The following WWOX variants were observed in gnomAD, a reference collection of about 807,000 sequenced individuals.
The protein encoded by WWOX is WW domain-containing oxidoreductase.
In WWOX, 69 loss-of-function variants were observed where a neutral mutation model predicts 46.2. The observed-to-expected ratio is 1.49, with a 90% CI of 1.23 to 1.82. The LOEUF (loss-of-function observed/expected upper bound fraction) is 1.82. WWOX is among the 40% of genes most tolerant of loss of function. The probability of loss-of-function intolerance (pLI) is 0.00; values close to 1 mark genes in which losing one functional copy is unlikely to be tolerated. For missense variants in WWOX, 919 were observed against 542.6 expected (o/e 1.69, Z -6.89); for synonymous variants, 359 against 202.6 (o/e 1.77, Z -6.56).
chr16:79,161,726 C>T (rs555068043), intron 8 of WWOX, among the ~76,000 whole-genome samples: 1 of 152,246 alleles, frequency 6.6e-6, no homozygotes, highest in African/African-American at 2.4e-5. Flanking sequence ...ACCATGTTGG[C>T]CAGGCTGGTC....
At chr16:78,644,846 G>C (rs542743949) in intron 8 of WWOX, among the ~76,000 whole-genome samples, 24 of 152,324 alleles carry the variant, frequency 1.6e-4, no homozygotes, top group African/African-American at 5.3e-4. Context: ...GGTACAGCAG[G>C]AGAGCATGTA....
At chr16:79,128,855 T>G (rs1182815010) in intron 8 of WWOX, among the ~76,000 whole-genome samples, 1 of 152,118 alleles carries the variant, frequency 6.6e-6, no homozygotes, top group African/African-American at 2.4e-5. Flanking sequence ...GTATGAAGGT[T>G]GTGATTCAGT....
At chr16:78,707,531 C>A (rs971883200) in intron 8 of WWOX, among the ~76,000 whole-genome samples, 2 of 152,154 alleles carry the variant, frequency 1.3e-5, no homozygotes, top group Non-Finnish European at 2.9e-5. Context: ...CTCTCTCTTG[C>A]CATATCAGGA....
At chr16:78,745,419 G>A (rs2049325489) in intron 8 of WWOX, among the ~76,000 whole-genome samples, 1 of 151,682 alleles carries the variant, frequency 6.6e-6, no homozygotes, top group South Asian at 2.1e-4. Context: ...CCTGTGTCAT[G>A]CCTGTTATTC....
chr16:79,202,870 C>T (rs899839053), intron 8 of WWOX: 121 of 152,104 alleles, frequency 8.0e-4, no homozygotes, highest in African/African-American at 2.9e-3. Context: ...TCCTAAAATA[C>T]AGTAGATGAG....
intron 8 of WWOX, among the ~76,000 whole-genome samples, chr16:79,003,699 C>T (rs1040922033): frequency 3.9e-5 from 6 of 152,138 alleles, no homozygotes; most frequent in Non-Finnish European, 5.9e-5. Context: ...TGCTCCAGCA[C>T]CGTGGTCTCA....
At chr16:78,569,595 G>T (rs1029719983) in intron 8 of WWOX, among the ~76,000 whole-genome samples, 4 of 152,106 alleles carry the variant, frequency 2.6e-5, no homozygotes, top group African/African-American at 9.7e-5. Context: ...TTGCCTTGTT[G>T]AAAAAGAATC....
At chr16:78,151,300 G>T (rs1031715903) in intron 4 of WWOX, among the ~76,000 whole-genome samples, 5 of 152,148 alleles carry the variant, frequency 3.3e-5, no homozygotes, top group African/African-American at 1.2e-4. Flanking sequence ...TGGGGGGCCT[G>T]ATGGTGGGGT....
chr16:78,175,724 C>G (rs1004925627), intron 5 of WWOX, among the ~76,000 whole-genome samples: 2 of 152,210 alleles, frequency 1.3e-5, no homozygotes, highest in South Asian at 4.1e-4. Context: ...TAAGCCACTT[C>G]TGAATCCTTG....
At chr16:78,557,468 G>C (rs2044326844) in intron 8 of WWOX, among the ~76,000 whole-genome samples, 1 of 152,082 alleles carries the variant, frequency 6.6e-6, no homozygotes, top group Non-Finnish European at 1.5e-5. Context: ...AAAACAAGCA[G>C]GAAAACCCCA....
In WWOX at chr16:79,099,254, C is replaced by G. The variant is rs192474185; in HGVS notation, c.1057-112354C>G. On this transcript the variant is annotated intron_variant, in intron 8 of 8. Transcript: ENST00000566780. ...GGCTCCATCTCCTGACATCTTCACA[C>G]AAGAGATCAAATGTCAACATGAGAT... is the stretch of plus-strand genomic sequence containing the variant. Among the ~76,000 whole-genome samples, 5 of 152,308 alleles carry G rather than the reference C, an allele frequency of 3.3e-5. No individual in the cohort carries two copies. In the East Asian group the frequency reaches 5.8e-4, roughly 18 times the overall value.
At chr16:78,471,361 C>A (rs989073556) in intron 8 of WWOX, among the ~76,000 whole-genome samples, 5 of 152,212 alleles carry the variant, frequency 3.3e-5, no homozygotes, top group African/African-American at 1.2e-4. Flanking sequence ...AGGCATCTCT[C>A]ACCTCATTTG....
Position 78,945,249 on chromosome 16 carries a change from A to G in WWOX, c.1057-266359A>G, listed in dbSNP as rs1394499715. ...GTAGAACAAATGAAAACCAAATAAC[A>G]GTGGCACCAGTTCTTCTTTCAGTTT... is the stretch of plus-strand genomic sequence containing the variant. On this transcript the variant is annotated intron_variant, in intron 8 of 8. Coordinates refer to ENST00000566780, the MANE Select transcript of WWOX (RefSeq NM_016373.4). 1.3e-5 allele frequency among the ~76,000 whole-genome samples: 2 copies of G among 152,186 alleles called. 1 individual carries two copies. Among genetic ancestry groups the G allele is most frequent in the South Asian group, 4.1e-4 (2 of 4,832 alleles).
At chr16:78,960,921 G>C (rs1373999136) in intron 8 of WWOX, among the ~76,000 whole-genome samples, 2 of 152,148 alleles carry the variant, frequency 1.3e-5, no homozygotes, top group Non-Finnish European at 2.9e-5. Flanking sequence ...AACCTACGGG[G>C]CTTGCTTTGG....
At chr16:78,475,754 C>G (rs1274452971) in intron 8 of WWOX, among the ~76,000 whole-genome samples, 2 of 152,126 alleles carry the variant, frequency 1.3e-5, no homozygotes, top group Admixed American at 1.3e-4. Context: ...TGCCACCACA[C>G]CGGCTAATTT....
intron 5 of WWOX, among the ~76,000 whole-genome samples, chr16:78,313,098 A>G (rs1420168062): frequency 6.6e-6 from 1 of 152,184 alleles, no homozygotes; most frequent in African/African-American, 2.4e-5. Context: ...TATAACATCT[A>G]AAGAATAACA....
At chr16:78,210,580 A>G (rs1437003933) in intron 5 of WWOX, among the ~76,000 whole-genome samples, 2 of 152,048 alleles carry the variant, frequency 1.3e-5, no homozygotes, top group African/African-American at 4.8e-5. Context: ...GCGTTTTCTC[A>G]CCAGAGGGCT....
At chr16:78,227,614 C>T (rs1276229584) in intron 5 of WWOX, among the ~76,000 whole-genome samples, 1 of 152,150 alleles carries the variant, frequency 6.6e-6, no homozygotes, top group African/African-American at 2.4e-5. Flanking sequence ...CGGTGGCTCA[C>T]ACCTGTAATC....
At chr16:79,141,671 G>T (rs962567787) in intron 8 of WWOX, among the ~76,000 whole-genome samples, 4 of 151,942 alleles carry the variant, frequency 2.6e-5, no homozygotes, top group Non-Finnish European at 4.4e-5. Flanking sequence ...TGGCCAGAAG[G>T]AAGCAGTGTC....
Sources: gnomAD v4.1 joint callset for allele counts (sites outside exome capture counted in the v4.1 genomes callset) on GRCh38, gnomAD v4.1.1 for gene constraint, MANE v1.5 for transcripts, NCBI Gene and HGNC (gene_info 2026-07-23, HGNC 2026-07-21) for gene names.